INSYN2B: variants seen among roughly 807,000 people sequenced by gnomAD.
INSYN2B encodes the protein inhibitory synaptic factor family member 2B, also known as protein INSYN2B.
INSYN2B carries 16 observed loss-of-function variants against 41.2 expected under a neutral mutation model. The ratio of observed to expected loss-of-function variants is 0.39; its 90% CI spans 0.26 to 0.59. The LOEUF is 0.59. INSYN2B is among the 20% of genes least tolerant of loss of function. The pLI, the probability that INSYN2B is intolerant of heterozygous loss-of-function variation, is 0.57. For synonymous variants in INSYN2B, 245 were observed against 244.4 expected (o/e 1.00, Z -0.02); for missense variants, 608 against 646.4 (o/e 0.94, Z 0.64).
At chr5:169,947,729 T>G (rs2113718098) in intron 1 of INSYN2B, among the ~76,000 whole-genome samples, 1 of 152,360 alleles carries the variant, frequency 6.6e-6, no homozygotes. Flanking sequence ...TCAGCATGCA[T>G]GTATTGTTCT....
At chr5:169,895,809 T>C (rs1773563929) in intron 1 of INSYN2B, among the ~76,000 whole-genome samples, 1 of 152,220 alleles carries the variant, frequency 6.6e-6, no homozygotes, top group South Asian at 2.1e-4. Context: ...TTTCCTCATT[T>C]GAAAATGAAA....
chr5:169,862,882 C>T lies in INSYN2B; in HGVS notation c.*1391G>A, dbSNP rs766601770. 4.6e-5 allele frequency among the ~76,000 whole-genome samples: 7 copies of T among 152,204 alleles called. No individual in the cohort carries two copies. The highest frequency in any genetic ancestry group is 8.8e-5 in the Non-Finnish European group (6 of 68,030). Reference sequence around the variant, plus strand: ...TGCTCTGCAAAGATTCTAGCTTAGACACTGGATCTTCAGCCAAGGGAATTA... The same window carrying T: ...TGCTCTGCAAAGATTCTAGCTTAGATACTGGATCTTCAGCCAAGGGAATTA... On this transcript the variant is annotated 3_prime_UTR_variant, in exon 4 of 4. Coordinates refer to ENST00000377365, the MANE Select transcript of INSYN2B (RefSeq NM_001129891.3).
At chr5:169,974,380 G>T (rs1777638245) in intron 1 of INSYN2B, among the ~76,000 whole-genome samples, 1 of 152,126 alleles carries the variant, frequency 6.6e-6, no homozygotes, top group African/African-American at 2.4e-5. Flanking sequence ...CTTTCTTCTG[G>T]TTTTTTCTTC....
At chr5:169,934,672 T>C (rs1419384213) in intron 1 of INSYN2B, 2 of 456,170 alleles carry the variant, frequency 4.4e-6, no homozygotes, top group East Asian at 1.4e-4. Context: ...ATGATAGGAC[T>C]GAACCGATTG....
chr5:169,938,405 CTAGGCTATAAGG>C (rs1294356948), intron 1 of INSYN2B, among the ~76,000 whole-genome samples: 5 of 152,150 alleles, frequency 3.3e-5, no homozygotes, highest in Non-Finnish European at 5.9e-5. Context: ...TACCTACTAC[CTAGGCTATAAGG>C]TAGAGCCTAT....
rs573379432 is a variant in INSYN2B, at chr5:169,965,632, T to C, written c.-919+14645A>G. Reference sequence around the variant, plus strand: ...GAGCTGGTGGCAGGTAATTCTAATGTGCAGCAGAGTTTAGGAACCATGGCC... The same window carrying C: ...GAGCTGGTGGCAGGTAATTCTAATGCGCAGCAGAGTTTAGGAACCATGGCC... On this transcript the variant is annotated intron_variant, in intron 1 of 3. Transcript: ENST00000377365. Among the ~76,000 whole-genome samples the C allele has an allele frequency of 2.8e-4, 42 of 152,220 alleles. No homozygotes were observed. The South Asian group carries it at 4.6e-3, about 17-fold the overall frequency.
rs10077069 is a variant in INSYN2B, at chr5:169,868,818, G to A, written c.1422-4359C>T. Among the ~76,000 whole-genome samples the A allele has an allele frequency of 5.2e-3, 790 of 152,274 alleles. 11 individuals carry two copies. The highest frequency in any genetic ancestry group is 0.018 in the African/African-American group (746 of 41,552). On this transcript the variant is annotated intron_variant, in intron 3 of 3. Transcript: ENST00000377365. The stretch of plus-strand genomic sequence containing the variant: ...TCTAGAATGTGTATGGAACTTGCAG[G>A]CCTGGGTAGAAAAGACCGGGAGATG...
chr5:169,922,518 T>C (rs1366511886), intron 1 of INSYN2B, among the ~76,000 whole-genome samples: 1 of 152,222 alleles, frequency 6.6e-6, no homozygotes, highest in Non-Finnish European at 1.5e-5. Flanking sequence ...AAGTAGATCT[T>C]GGCCATCACC....
chr5:169,909,198 C>A (rs1396935542), intron 1 of INSYN2B, among the ~76,000 whole-genome samples: 3 of 152,176 alleles, frequency 2.0e-5, no homozygotes, highest in East Asian at 1.9e-4. Context: ...AGTATGGGAA[C>A]CTTGTACCAC....
intron 1 of INSYN2B, among the ~76,000 whole-genome samples, chr5:169,906,183 G>A (rs1561812856): frequency 2.6e-5 from 4 of 152,150 alleles, no homozygotes; most frequent in African/African-American, 9.7e-5. Flanking sequence ...CAGGCATTGT[G>A]CCCGGGGCCG....
chr5:169,931,256 G>A (rs1775736727), intron 1 of INSYN2B, among the ~76,000 whole-genome samples: 1 of 152,234 alleles, frequency 6.6e-6, no homozygotes, highest in Non-Finnish European at 1.5e-5. Flanking sequence ...GGAGAGTGAG[G>A]AAGGCTTGGC....
chr5:169,955,245 G>C (rs188607126), intron 1 of INSYN2B, among the ~76,000 whole-genome samples: 4 of 152,124 alleles, frequency 2.6e-5, no homozygotes, highest in Non-Finnish European at 2.9e-5. Context: ...GCCCCTGCCC[G>C]GGACCACACA....
At chr5:169,973,520 AAGAG>A (rs1233728105) in intron 1 of INSYN2B, among the ~76,000 whole-genome samples, 1 of 152,096 alleles carries the variant, frequency 6.6e-6, no homozygotes, top group African/African-American at 2.4e-5. Flanking sequence ...CCCATTCACA[AAGAG>A]AGAACTGAGG....
chr5:169,907,300 G>A (rs1360098529), intron 1 of INSYN2B, among the ~76,000 whole-genome samples: 1 of 152,172 alleles, frequency 6.6e-6, no homozygotes, highest in East Asian at 1.9e-4. Flanking sequence ...CCCAATTTTA[G>A]GAGAAGATTC....
intron 1 of INSYN2B, among the ~76,000 whole-genome samples, chr5:169,945,164 T>G (rs1194624585): frequency 6.6e-6 from 1 of 152,210 alleles, no homozygotes; most frequent in Non-Finnish European, 1.5e-5. Flanking sequence ...TAAAAAGGTG[T>G]GGGTTAAAAG....
At chr5:169,953,831 C>T (rs1203841319) in intron 1 of INSYN2B, among the ~76,000 whole-genome samples, 2 of 152,186 alleles carry the variant, frequency 1.3e-5, no homozygotes, top group Non-Finnish European at 2.9e-5. Flanking sequence ...TGAGCCCTGG[C>T]ACCATTGGTT....
intron 3 of INSYN2B, among the ~76,000 whole-genome samples, chr5:169,880,195 A>AT (rs1341286751): frequency 2.0e-5 from 3 of 152,232 alleles, no homozygotes; most frequent in African/African-American, 7.2e-5. Flanking sequence ...AAAGGCATTT[A>AT]TCTGTGAGCA....
At chr5:169,967,562 G>A (rs1055886223) in intron 1 of INSYN2B, among the ~76,000 whole-genome samples, 1 of 152,166 alleles carries the variant, frequency 6.6e-6, no homozygotes, top group Non-Finnish European at 1.5e-5. Flanking sequence ...GCAGGGAACC[G>A]AACACCATGC....
chr5:169,884,137 T>A lies in INSYN2B; in HGVS notation c.-239A>T. The A allele has an allele frequency of 2.7e-6, 1 of 368,702 alleles. No individual in the cohort carries two copies. The highest frequency in any genetic ancestry group is 4.8e-6 in the Non-Finnish European group (1 of 206,834). 22.8% of individuals were successfully genotyped at this position (368,702 alleles called of 1,614,324 possible). A position where few individuals can be genotyped will look rare whatever the true frequency, so the allele number is the denominator to read the frequency against. ...AAATATTAATTCATTGTAGTCATAA[T>A]TGCTCCTTGGAAAAACAAATGAGTT... On this transcript the variant is annotated 5_prime_UTR_variant, in exon 2 of 4. Transcript: ENST00000377365.
Sources: allele counts gnomAD v4.1 joint callset (sites outside exome capture counted in the v4.1 genomes callset), GRCh38; gene constraint gnomAD v4.1.1; transcripts MANE v1.5; gene names NCBI Gene and HGNC (gene_info 2026-07-23, HGNC 2026-07-21).